The following USP13 variants were observed in gnomAD, a reference collection of about 807,000 sequenced individuals.
USP13 encodes ubiquitin specific peptidase 13.
USP13 carries 68 observed loss-of-function variants against 107.8 expected under a neutral mutation model. The ratio of observed to expected loss-of-function variants is 0.63; its 90% confidence interval spans 0.52 to 0.77. The LOEUF (loss-of-function observed/expected upper bound fraction) is 0.77. Among genes scored for constraint, USP13 ranks in the 30% least tolerant of loss-of-function variants. USP13 has a pLI of 0.00. For synonymous variants in USP13, 377 were observed against 389.5 expected, an observed-to-expected ratio of 0.97 and a Z score of 0.38; for missense variants, 945 against 1,093.3, an observed-to-expected ratio of 0.86 and a Z score of 1.91.
intron 14 of USP13, among the ~76,000 whole-genome samples, chr3:179,752,658 T>TATG (rs1714654287): frequency 6.6e-6 from 1 of 152,234 alleles, no homozygotes; most frequent in Admixed American, 6.5e-5. Context: ...TTAATGTGCA[T>TATG]ATGAATTATC....
intron 19 of USP13, among the ~76,000 whole-genome samples, chr3:179,773,748 G>C (rs2108547538): frequency 6.6e-6 from 1 of 152,306 alleles, no homozygotes; most frequent in Non-Finnish European, 1.5e-5. Context: ...GCCAGGTTAG[G>C]TTAAAAATTA....
chr3:179,671,783 C>T (rs1379789015), intron 1 of USP13, among the ~76,000 whole-genome samples: 3 of 152,046 alleles, frequency 2.0e-5, no homozygotes, highest in South Asian at 2.1e-4. Flanking sequence ...CTAGAAAATA[C>T]GGTGTTCTGG....
At chr3:179,762,314 C>T (rs1172544570) in intron 17 of USP13, among the ~76,000 whole-genome samples, 2 of 152,248 alleles carry the variant, frequency 1.3e-5, no homozygotes, top group Admixed American at 6.5e-5. Flanking sequence ...GGTTTGGTGG[C>T]TTACGCCTGT....
At chr3:179,687,670 A>AAAAAAAAAAAAAAAAAAAAAAAAC in intron 2 of USP13, among the ~76,000 whole-genome samples, 1 of 136,294 alleles carries the variant, frequency 7.3e-6, no homozygotes, top group Non-Finnish European at 1.6e-5. Context: ...AAAAAAAAAA[A>AAAAAAAAAAAAAAAAAAAAAAAAC]AAAAAAAAAA....
At chr3:179,731,666 G>T (rs936779161) in intron 10 of USP13, among the ~76,000 whole-genome samples, 4 of 152,190 alleles carry the variant, frequency 2.6e-5, no homozygotes, top group Non-Finnish European at 5.9e-5. Flanking sequence ...CAACTCCAGA[G>T]GGTACTACTC....
chr3:179,772,387 C>T, intron 19 of USP13, among the ~76,000 whole-genome samples: 1 of 152,232 alleles, frequency 6.6e-6, no homozygotes, highest in East Asian at 1.9e-4. Flanking sequence ...TACTCAGAGC[C>T]TGCTCTGGCT....
chr3:179,669,838 C>G (rs1461570890), intron 1 of USP13, among the ~76,000 whole-genome samples: 1 of 152,134 alleles, frequency 6.6e-6, no homozygotes, highest in Non-Finnish European at 1.5e-5. Context: ...CTTGACCCCC[C>G]CCTCCATAAT....
intron 19 of USP13, among the ~76,000 whole-genome samples, chr3:179,774,701 T>G (rs1237080359): frequency 6.6e-6 from 1 of 152,194 alleles, no homozygotes; most frequent in African/African-American, 2.4e-5. Context: ...TTCCACAGTT[T>G]GGAAGGGGAC....
At chr3:179,672,450 T>A (rs927388688) in intron 1 of USP13, among the ~76,000 whole-genome samples, 14 of 151,610 alleles carry the variant, frequency 9.2e-5, no homozygotes, top group Non-Finnish European at 1.3e-4. Flanking sequence ...AATGGCGCGA[T>A]CTTGGCTCAC....
chr3:179,680,591 G>A (rs895247705), intron 1 of USP13, among the ~76,000 whole-genome samples: 1 of 151,954 alleles, frequency 6.6e-6, no homozygotes, highest in Non-Finnish European at 1.5e-5. Flanking sequence ...TTGTCACCCA[G>A]GCTGGAGTGC....
chr3:179,747,443 G>A (rs1228412417), intron 13 of USP13, among the ~76,000 whole-genome samples: 1 of 152,192 alleles, frequency 6.6e-6, no homozygotes, highest in Non-Finnish European at 1.5e-5. Flanking sequence ...CTGCCGACTG[G>A]GGTATTGTTC....
chr3:179,719,069 C>T (rs936843734), intron 6 of USP13, among the ~76,000 whole-genome samples: 1 of 152,110 alleles, frequency 6.6e-6, no homozygotes, highest in Non-Finnish European at 1.5e-5. Flanking sequence ...GCTTTGAGTC[C>T]ATACACCCCA....
At chr3:179,782,450 C>G (rs1216402648) in intron 20 of USP13, among the ~76,000 whole-genome samples, 1 of 152,198 alleles carries the variant, frequency 6.6e-6, no homozygotes, top group Admixed American at 6.5e-5. Flanking sequence ...GGAAATGAGA[C>G]AGTTGTGGAA....
chr3:179,675,536 T>TTTATTATTATTATTATTATTA (rs57851865), intron 1 of USP13, among the ~76,000 whole-genome samples: 2 of 146,358 alleles, frequency 1.4e-5, no homozygotes, highest in Admixed American at 6.9e-5. Context: ...TGTAACCTAT[T>TTTATTATTATTATTATTATTA]TTATTATTAT....
intron 10 of USP13, among the ~76,000 whole-genome samples, chr3:179,734,014 A>T (rs1576962797): frequency 6.6e-6 from 1 of 152,186 alleles, no homozygotes; most frequent in Non-Finnish European, 1.5e-5. Flanking sequence ...TGGCAGGTGG[A>T]TGACAAAAGG....
At chr3:179,677,311 C>T (rs1325030181) in intron 1 of USP13, among the ~76,000 whole-genome samples, 2 of 151,818 alleles carry the variant, frequency 1.3e-5, no homozygotes, top group Non-Finnish European at 2.9e-5. Flanking sequence ...TGGCCGGGTG[C>T]AGTGGCTCAC....
At position 179,721,295 on chromosome 3, in the gene USP13, G is replaced by A. The variant is rs1168727720; in HGVS notation, c.901-107G>A. 50 of 1,255,630 alleles carry A rather than the reference G, an allele frequency of 4.0e-5. No homozygotes were observed. The highest frequency in any genetic ancestry group is 5.5e-5 in the Non-Finnish European group (50 of 911,996). The allele number at this position is 1,255,630 out of a possible 1,614,324, so 77.8% of individuals were successfully genotyped here. On this transcript the variant is annotated intron_variant, in intron 7 of 20. Transcript: ENST00000263966. This position sits in a 1 kb window ranked among gnomAD's most constrained non-coding sequence, Gnocchi z 4.3. ...TTGTTTATTTCTCTATGTAATTGGG[G>A]AAAAAAATGGCAGAAACATCCTATG...
Position 179,653,249 on chromosome 3 carries a change from CG to C in USP13, c.26del (p.Gly9AlafsTer20), listed in dbSNP as rs1247504219. MQRRGALF[G>X]MPGGSGGRKM... ...CCATGCAGCGCCGGGGCGCCCTGTTCGGCATGCCGGGCGGCAGCGGAGGCAG... is the reference window on the plus strand; with the variant it reads ...CCATGCAGCGCCGGGGCGCCCTGTTCGCATGCCGGGCGGCAGCGGAGGCAG... On this transcript the variant is annotated frameshift_variant, in exon 1 of 21. Coordinates refer to ENST00000263966, the MANE Select transcript of USP13 (RefSeq NM_003940.3). LOFTEE classifies it high-confidence loss of function. The surrounding 1 kb of genome is among the most constrained non-coding windows in gnomAD (Gnocchi z 4.0). The C allele has an allele frequency of 1.9e-6, 3 of 1,555,016 alleles. No homozygotes were observed. Among genetic ancestry groups the C allele is most frequent in the Non-Finnish European group, 8.7e-7 (1 of 1,150,234 alleles).
intron 19 of USP13, among the ~76,000 whole-genome samples, chr3:179,776,826 G>A (rs1421744237): frequency 1.5e-5 from 2 of 136,924 alleles, no homozygotes; most frequent in Non-Finnish European, 3.2e-5. Context: ...ATTTTTTAGT[G>A]TGTGTTTTTT....
Sources: allele counts gnomAD v4.1 joint callset (sites outside exome capture counted in the v4.1 genomes callset), GRCh38; gene constraint gnomAD v4.1.1; non-coding constraint Gnocchi (gnomAD v3.1); transcripts MANE v1.5; gene names NCBI Gene and HGNC (gene_info 2026-07-23, HGNC 2026-07-21).